The following SYNPO variants were observed in gnomAD, a reference collection of about 807,000 sequenced individuals.
SYNPO encodes synaptopodin.
In SYNPO, 19 loss-of-function variants were observed where a neutral mutation model predicts 49.5. The ratio of observed to expected loss-of-function variants is 0.38; its 90% confidence interval spans 0.27 to 0.56. The LOEUF (loss-of-function observed/expected upper bound fraction) is 0.56, where lower values mean the gene tolerates loss of function less well. Among genes scored for constraint, SYNPO ranks in the 20% least tolerant of loss-of-function variants. The pLI is 0.68. For missense variants in SYNPO, 1,131 were observed against 1,248.3 expected, an observed-to-expected ratio of 0.91 and a Z score of 1.42; for synonymous variants, 536 against 548.0, an observed-to-expected ratio of 0.98 and a Z score of 0.31.
upstream of SYNPO, among the ~76,000 whole-genome samples, chr5:150,600,227 C>T (rs943659791): frequency 6.6e-6 from 1 of 152,228 alleles, no homozygotes; most frequent in African/African-American, 2.4e-5. Flanking sequence ...TGGGATCTGC[C>T]GGCCTGAAGG....
chr5:150,657,235 C>T lies in SYNPO; in HGVS notation c.*148C>T. 1 of 866,278 alleles carries T rather than the reference C, an allele frequency of 1.2e-6. No individual in the cohort carries two copies. The highest frequency in any genetic ancestry group is 1.7e-6 in the Non-Finnish European group (1 of 579,734). 53.7% of individuals were successfully genotyped at this position (866,278 alleles called of 1,614,324 possible). A position where few individuals can be genotyped will look rare whatever the true frequency, so the allele number is the denominator to read the frequency against. On this transcript the variant is annotated 3_prime_UTR_variant, in exon 3 of 3. Transcript: ENST00000307662. ...TCTGGGGTTGGGGATGGGTTAGGGA[C>T]GCAAGCTTGAGTTCTAGCCCTTGCT...
intron 2 of SYNPO, chr5:150,650,709 C>T: frequency 7.3e-7 from 1 of 1,365,824 alleles, no homozygotes; most frequent in Non-Finnish European, 9.4e-7. Flanking sequence ...CTAACAGGGA[C>T]TTCTGGAGCA....
intron 1 of SYNPO, among the ~76,000 whole-genome samples, chr5:150,641,512 T>C (rs1757906551): frequency 6.6e-6 from 1 of 152,170 alleles, no homozygotes; most frequent in Admixed American, 6.5e-5. Flanking sequence ...ATTCTCCCTG[T>C]CCTGACCTTC....
Position 150,603,202 on chromosome 5 carries a change from C to T in SYNPO, c.-266+2014C>T, listed in dbSNP as rs190300189. 5.3e-5 allele frequency among the ~76,000 whole-genome samples: 8 copies of T among 152,346 alleles called. No homozygotes were observed. The East Asian group carries it at 9.6e-4, about 18-fold the overall frequency. ...GACTGACATTTTCAAGTGCTTTGTC[C>T]GGCCTCAGCCTGGCTTTGAATCACC... On this transcript the variant is annotated intron_variant, in intron 1 of 2. Transcript: ENST00000394243.
intron 1 of SYNPO, among the ~76,000 whole-genome samples, chr5:150,646,686 T>C (rs1439602456): frequency 6.6e-6 from 1 of 151,730 alleles, no homozygotes; most frequent in African/African-American, 2.4e-5. Flanking sequence ...GATCTCATCA[T>C]TGCACTCCAG....
intron 2 of SYNPO, among the ~76,000 whole-genome samples, chr5:150,628,370 C>A (rs1457086784): frequency 6.6e-6 from 1 of 152,192 alleles, no homozygotes; most frequent in African/African-American, 2.4e-5. Context: ...CTCCTAAATT[C>A]TTGGAGGCAT....
chr5:150,592,343 C>T, the SYNPO span, among the ~76,000 whole-genome samples: 8 of 152,076 alleles, frequency 5.3e-5, no homozygotes, highest in Non-Finnish European at 1.0e-4. Flanking sequence ...AACTGGGTCT[C>T]CTGTATTTGT....
At chr5:150,610,687 A>G (rs1051618336) in intron 1 of SYNPO, among the ~76,000 whole-genome samples, 8 of 152,366 alleles carry the variant, frequency 5.3e-5, no homozygotes, top group African/African-American at 1.9e-4. Flanking sequence ...TAATCCTCAC[A>G]GCAATATGAT....
the SYNPO span, among the ~76,000 whole-genome samples, chr5:150,587,541 G>A: frequency 6.6e-6 from 1 of 152,130 alleles, no homozygotes; most frequent in African/African-American, 2.4e-5. Context: ...GGATGTCTGG[G>A]TGGAACTTCA....
At chr5:150,596,816 G>C (rs1429398902), upstream of SYNPO, among the ~76,000 whole-genome samples, 3 of 152,224 alleles carry the variant, frequency 2.0e-5, no homozygotes, top group African/African-American at 7.2e-5. Context: ...CCCATGCAAA[G>C]ACCCAAGTCA....
chr5:150,618,414 G>A (rs1189564189), exon 2 of SYNPO: 2 of 1,551,550 alleles, frequency 1.3e-6, no homozygotes, highest in African/African-American at 1.4e-5. Flanking sequence ...CCCAGCGAAG[G>A]GAGGCCTACC....
chr5:150,596,729 C>T (rs576114645), upstream of SYNPO, among the ~76,000 whole-genome samples: 1 of 152,260 alleles, frequency 6.6e-6, no homozygotes, highest in South Asian at 2.1e-4. Context: ...CAGAATGGGT[C>T]TGGTGAGCAG....
At chr5:150,618,135 G>GT (rs1048337567) in exon 2 of SYNPO, 1 of 505,066 alleles carries the variant, frequency 2.0e-6, no homozygotes, top group African/African-American at 1.9e-5. Flanking sequence ...CCAGAGACGG[G>GT]TTAAGAAGAG....
intron 2 of SYNPO, among the ~76,000 whole-genome samples, chr5:150,624,218 G>A (rs879384813): frequency 1.3e-5 from 2 of 152,188 alleles, no homozygotes; most frequent in Admixed American, 6.5e-5. Context: ...ATTTGCCTAA[G>A]TTCTACCAAG....
the SYNPO span, among the ~76,000 whole-genome samples, chr5:150,589,367 C>T: frequency 0.5 from 75,354 of 151,984 alleles, 19,376 homozygotes; most frequent in East Asian, 0.63. Flanking sequence ...CCCAGCCTTA[C>T]AGATAATTTC....
In SYNPO at chr5:150,650,544, G is replaced by A. The variant is rs768184794; in HGVS notation, c.2028+241G>A. On this transcript the variant is annotated intron_variant, in intron 2 of 2. Transcript: ENST00000307662. ...CCGCCCCTCCCCTACTACAACAGGG[G>A]TCGGACTCCATGTCTGAGCGGGGAG... is the stretch of plus-strand genomic sequence containing the variant. The A allele has an allele frequency of 1.8e-5, 27 of 1,467,110 alleles. No individual in the cohort carries two copies. In the South Asian group the frequency reaches 3.7e-4, roughly 20 times the overall value. The allele number at this position is 1,467,110 out of a possible 1,614,324, so 90.9% of individuals were successfully genotyped here. A position where few individuals can be genotyped will look rare whatever the true frequency, so the allele number is the denominator to read the frequency against.
chr5:150,589,210 C>T, the SYNPO span, among the ~76,000 whole-genome samples: 18 of 152,058 alleles, frequency 1.2e-4, no homozygotes, highest in African/African-American at 2.9e-4. Flanking sequence ...TACAGGTGTG[C>T]GCCACCACAC....
chr5:150,656,891 G>A lies in SYNPO; in HGVS notation c.2516G>A (p.Arg839Gln). The A allele has an allele frequency of 1.3e-6, 2 of 1,575,464 alleles. No homozygotes were observed. Among genetic ancestry groups the A allele is most frequent in the Admixed American group, 1.8e-5 (1 of 55,772 alleles). ...PAGPSSCTSP[R>Q]SPLPAPPRPF... ...GGTCCTTCGTCCTGCACCAGTCCCC[G>A]GAGCCCGCTGCCCGCGCCTCCCAGG... The change falls in exon 3 of 3, where the codon CGG becomes CAG. Residue 839 changes from arginine (R) to glutamine (Q), a missense_variant. Coordinates refer to ENST00000307662, the MANE Select transcript of SYNPO (RefSeq NM_007286.6).
upstream of SYNPO, among the ~76,000 whole-genome samples, chr5:150,636,082 T>A (rs1032458384): frequency 6.6e-6 from 1 of 152,212 alleles, no homozygotes; most frequent in African/African-American, 2.4e-5. Flanking sequence ...CTTGTTCCCT[T>A]ACCCGAATGC....
Sources: allele counts gnomAD v4.1 joint callset (sites outside exome capture counted in the v4.1 genomes callset), GRCh38; gene constraint gnomAD v4.1.1; transcripts MANE v1.5; gene names NCBI Gene and HGNC (gene_info 2026-07-23, HGNC 2026-07-21).